Variants in OSBP2 observed in about 807,000 individuals in gnomAD.
The protein encoded by OSBP2 is oxysterol-binding protein 2.
Under a neutral mutation model 96.0 loss-of-function variants are expected in OSBP2, and 66 were observed. That is an observed-to-expected ratio of 0.69 (90% CI 0.56 to 0.84). OSBP2 has a LOEUF of 0.84. OSBP2 is among the 40% of genes least tolerant of loss of function. OSBP2 has a pLI of 0.00. For missense variants in OSBP2, 1,038 were observed against 1,222.7 expected, an observed-to-expected ratio of 0.85 and a Z score of 2.25; for synonymous variants, 525 against 520.9, an observed-to-expected ratio of 1.01 and a Z score of -0.11.
chr22:30,697,821 C>T (rs561814943), intron 1 of OSBP2, among the ~76,000 whole-genome samples: 11 of 152,294 alleles, frequency 7.2e-5, no homozygotes, highest in Middle Eastern at 3.4e-3. Context: ...GACATTTATA[C>T]GATCCTGTGC....
intron 2 of OSBP2, among the ~76,000 whole-genome samples, chr22:30,787,291 C>T (rs548108942): frequency 6.6e-6 from 1 of 152,140 alleles, no homozygotes; most frequent in East Asian, 1.9e-4. Flanking sequence ...CTTAACATGG[C>T]GGCAGGAAGG....
In OSBP2 at chr22:30,839,184, T is replaced by A. The variant is rs1188267243; in HGVS notation, c.854-31245T>A. ...CCCTACAAAGGACATGAACTCATCA[T>A]TTTTTATGGCTGCATAGTATTCCAT... On this transcript the variant is annotated intron_variant, in intron 2 of 13. Coordinates refer to ENST00000332585, the MANE Select transcript of OSBP2 (RefSeq NM_030758.4). 6.5e-3 allele frequency among the ~76,000 whole-genome samples: 940 copies of A among 144,760 alleles called. 11 individuals are homozygous for A. The highest frequency in any genetic ancestry group is 0.023 in the African/African-American group (902 of 38,404). The allele number at this position is 144,760 out of a possible 152,430, so 95.0% of individuals were successfully genotyped here.
chr22:30,794,755 T>A (rs2090732189), intron 2 of OSBP2, among the ~76,000 whole-genome samples: 1 of 149,492 alleles, frequency 6.7e-6, no homozygotes, highest in Non-Finnish European at 1.5e-5. Flanking sequence ...CGAGATTGCA[T>A]CACTGCACTC....
At chr22:30,725,193 A>G (rs1309450508) in intron 1 of OSBP2, among the ~76,000 whole-genome samples, 3 of 95,742 alleles carry the variant, frequency 3.1e-5, no homozygotes, top group East Asian at 6.1e-4. Flanking sequence ...AAAAAACAAA[A>G]AAACAAAAAA....
intron 1 of OSBP2, among the ~76,000 whole-genome samples, chr22:30,701,241 A>C (rs928654642): frequency 6.6e-6 from 1 of 152,084 alleles, no homozygotes; most frequent in African/African-American, 2.4e-5. Flanking sequence ...CACCCTTCCC[A>C]TGAACTCAGT....
chr22:30,755,974 G>A (rs2090136138), intron 2 of OSBP2, among the ~76,000 whole-genome samples: 1 of 152,132 alleles, frequency 6.6e-6, no homozygotes, highest in Admixed American at 6.5e-5. Flanking sequence ...CTTCAGCTGT[G>A]CCTTAACGTG....
intron 2 of OSBP2, among the ~76,000 whole-genome samples, chr22:30,862,081 T>G (rs1163062136): frequency 6.6e-6 from 1 of 152,210 alleles, no homozygotes. Context: ...TGACCCCTCC[T>G]GTGTCTGGTC....
At chr22:30,781,945 G>A (rs2145809216) in intron 2 of OSBP2, among the ~76,000 whole-genome samples, 1 of 152,326 alleles carries the variant, frequency 6.6e-6, no homozygotes, top group South Asian at 2.1e-4. Context: ...CTAGGAGTTT[G>A]AGACCAGCCT....
chr22:30,773,392 C>T (rs2090382014), intron 2 of OSBP2: 1 of 152,482 alleles, frequency 6.6e-6, no homozygotes. Flanking sequence ...CAGCCCAGGT[C>T]AGCTTCCCAC....
intron 2 of OSBP2, among the ~76,000 whole-genome samples, chr22:30,744,577 A>G (rs960258481): frequency 6.6e-6 from 1 of 152,154 alleles, no homozygotes; most frequent in Non-Finnish European, 1.5e-5. Context: ...CCTGACCAAC[A>G]TGGTGAAACC....
chr22:30,798,173 C>CTAATG (rs1206720974), intron 2 of OSBP2, among the ~76,000 whole-genome samples: 3 of 152,156 alleles, frequency 2.0e-5, no homozygotes, highest in Non-Finnish European at 4.4e-5. Flanking sequence ...TTGCATTTTC[C>CTAATG]TAATGATTAA....
At chr22:30,877,808 C>T (rs1233423752) in intron 3 of OSBP2, among the ~76,000 whole-genome samples, 1 of 152,226 alleles carries the variant, frequency 6.6e-6, no homozygotes, top group African/African-American at 2.4e-5. Context: ...TTGGAAGGCT[C>T]CTCATAGTTG....
intron 2 of OSBP2, among the ~76,000 whole-genome samples, chr22:30,815,776 A>G (rs191427220): frequency 7.3e-4 from 111 of 151,974 alleles, no homozygotes; most frequent in Middle Eastern, 3.4e-3. Context: ...GCCATCCTCT[A>G]TCTTTTCATG....
chr22:30,717,090 T>TTTTGTGTG (rs71328866), intron 1 of OSBP2, among the ~76,000 whole-genome samples: 2 of 118,320 alleles, frequency 1.7e-5, no homozygotes, highest in Non-Finnish European at 3.6e-5. Flanking sequence ...TTTACTGTTT[T>TTTTGTGTG]TGTGTGTGTG....
At chr22:30,717,543 A>G (rs1411918027) in intron 1 of OSBP2, among the ~76,000 whole-genome samples, 1 of 152,194 alleles carries the variant, frequency 6.6e-6, no homozygotes, top group East Asian at 1.9e-4. Flanking sequence ...GTGGACCTCT[A>G]GAGTCCCTTC....
intron 3 of OSBP2, among the ~76,000 whole-genome samples, chr22:30,880,257 G>T (rs1270740214): frequency 6.6e-6 from 1 of 152,178 alleles, no homozygotes; most frequent in Non-Finnish European, 1.5e-5. Context: ...CGTGGAGGGT[G>T]GGTAGCCTTG....
At chr22:30,730,379 T>C (rs1043868230) in intron 1 of OSBP2, among the ~76,000 whole-genome samples, 1 of 152,136 alleles carries the variant, frequency 6.6e-6, no homozygotes, top group Non-Finnish European at 1.5e-5. Context: ...GCACCTCCCT[T>C]ATTTTGAATT....
chr22:30,811,807 G>A (rs1292025856), intron 2 of OSBP2, among the ~76,000 whole-genome samples: 3 of 151,092 alleles, frequency 2.0e-5, no homozygotes, highest in Non-Finnish European at 2.9e-5. Flanking sequence ...TGCCCACCTC[G>A]GCCTCCCAAA....
chr22:30,840,310 A>G (rs2038724380), intron 2 of OSBP2, among the ~76,000 whole-genome samples: 1 of 138,090 alleles, frequency 7.2e-6, no homozygotes, highest in African/African-American at 3.5e-5. Context: ...CCTGTTAAAA[A>G]AAAAAAGAAA....
Sources: gnomAD v4.1 joint callset for allele counts (sites outside exome capture counted in the v4.1 genomes callset) on GRCh38, gnomAD v4.1.1 for gene constraint, MANE v1.5 for transcripts, NCBI Gene and HGNC (gene_info 2026-07-23, HGNC 2026-07-21) for gene names.